Variants in PLEKHA6 observed in about 807,000 individuals in gnomAD.
PLEKHA6 encodes the protein pleckstrin homology domain-containing family A member 6.
PLEKHA6 carries 60 observed loss-of-function variants against 116.7 expected under a neutral mutation model. The ratio of observed to expected loss-of-function variants is 0.51; its 90% CI spans 0.42 to 0.64. PLEKHA6 has a LOEUF of 0.64. PLEKHA6 is among the 30% of genes least tolerant of loss of function. PLEKHA6 has a pLI of 0.00. For synonymous variants in PLEKHA6, 489 were observed against 556.1 expected, an observed-to-expected ratio of 0.88 and a Z score of 1.70; for missense variants, 1,338 against 1,422.7, an observed-to-expected ratio of 0.94 and a Z score of 0.96.
intron 3 of PLEKHA6, among the ~76,000 whole-genome samples, chr1:204,366,299 T>A (rs1268685481): frequency 6.6e-6 from 1 of 151,806 alleles, no homozygotes; most frequent in Non-Finnish European, 1.5e-5. Flanking sequence ...AGTCTATAAC[T>A]GTCATGTGAT....
intron 1 of PLEKHA6, among the ~76,000 whole-genome samples, chr1:204,312,409 GA>G (rs1671687971): frequency 1.3e-5 from 2 of 152,190 alleles, no homozygotes; most frequent in African/African-American, 4.8e-5. Flanking sequence ...AAGCATCCCA[GA>G]AACACTCAAC....
intron 1 of PLEKHA6, among the ~76,000 whole-genome samples, chr1:204,312,636 C>T (rs1174732998): frequency 4.6e-5 from 7 of 152,206 alleles, no homozygotes; most frequent in Non-Finnish European, 1.0e-4. Context: ...TTGGCTGGCT[C>T]ACCCAGGAGA....
In PLEKHA6 at chr1:204,374,766, T is replaced by G. The variant is rs1255626538; in HGVS notation, c.83+2817A>C. Among the ~76,000 whole-genome samples the G allele has an allele frequency of 2.0e-5, 3 of 152,138 alleles. No individual in the cohort carries two copies. In the East Asian group the frequency reaches 5.8e-4, roughly 29 times the overall value. On this transcript the variant is annotated intron_variant, in intron 1 of 4. Transcript: ENST00000564627. Reference sequence around the variant, plus strand: ...CTCAATGCCATGTCCCCTGGCAGCTTCATGTCTCGCACTCCTCATTCCTGA... The same window carrying G: ...CTCAATGCCATGTCCCCTGGCAGCTGCATGTCTCGCACTCCTCATTCCTGA...
At chr1:204,262,335 T>A (rs1666231805) in intron 6 of PLEKHA6, among the ~76,000 whole-genome samples, 1 of 152,172 alleles carries the variant, frequency 6.6e-6, no homozygotes, top group African/African-American at 2.4e-5. Context: ...AGACAAGTTG[T>A]GGTTTTGCTC....
chr1:204,359,152 C>T (rs1437490257), intron 1 of PLEKHA6, among the ~76,000 whole-genome samples: 1 of 152,140 alleles, frequency 6.6e-6, no homozygotes, highest in African/African-American at 2.4e-5. Context: ...ACCCCCAGAG[C>T]TCAGATGCGT....
At chr1:204,368,837 A>G (rs1353033665) in intron 2 of PLEKHA6, 1 of 152,238 alleles carries the variant, frequency 6.6e-6, no homozygotes, top group Non-Finnish European at 1.5e-5. Context: ...CTTGATGGAC[A>G]GTGACTGCCA....
chr1:204,345,799 C>T (rs528802640), intron 1 of PLEKHA6, among the ~76,000 whole-genome samples: 2 of 152,340 alleles, frequency 1.3e-5, no homozygotes, highest in South Asian at 4.1e-4. Flanking sequence ...AGCAAACCCT[C>T]CTTTCTCTGC....
In PLEKHA6 at chr1:204,359,859, G is replaced by A. The variant is rs771039362; in HGVS notation, c.-260C>T. 2.7e-5 allele frequency: 5 copies of A among 186,704 alleles called. No homozygotes were observed. Among genetic ancestry groups the A allele is most frequent in the East Asian group, 1.9e-4 (1 of 5,342 alleles). 11.6% of individuals were successfully genotyped at this position (186,704 alleles called of 1,614,324 possible). On this transcript the variant is annotated 5_prime_UTR_variant, in exon 1 of 23. Coordinates refer to ENST00000272203, the MANE Select transcript of PLEKHA6 (RefSeq NM_014935.5). ...ATCTGATCTAATCAGTCATCTCTCC[G>A]GCTGGCAGGTCCCTGGCGCAGGGAG...
chr1:204,227,235 C>T (rs920609447), intron 21 of PLEKHA6, among the ~76,000 whole-genome samples: 4 of 152,208 alleles, frequency 2.6e-5, no homozygotes, highest in Admixed American at 2.0e-4. Flanking sequence ...CCATGGCTCC[C>T]CCTTCTGAGT....
intron 1 of PLEKHA6, among the ~76,000 whole-genome samples, chr1:204,335,028 T>C (rs1160405048): frequency 2.0e-5 from 3 of 152,204 alleles, no homozygotes; most frequent in Non-Finnish European, 4.4e-5. Flanking sequence ...CTTGTCTAAC[T>C]GAAACTTTGT....
chr1:204,302,009 A>T (rs751443854), intron 1 of PLEKHA6, among the ~76,000 whole-genome samples: 10 of 152,224 alleles, frequency 6.6e-5, no homozygotes, highest in Non-Finnish European at 1.0e-4. Flanking sequence ...TCCAACAGGC[A>T]TACGACTGTT....
At chr1:204,349,540 CAAAAAAAAA>C (rs11403796) in intron 1 of PLEKHA6, among the ~76,000 whole-genome samples, 2 of 115,220 alleles carry the variant, frequency 1.7e-5, no homozygotes, top group Non-Finnish European at 3.6e-5. Context: ...GACTCCATCT[CAAAAAAAAA>C]AAAAAAAAAA....
intron 15 of PLEKHA6, chr1:204,243,351 A>ACTGGAGG: frequency 2.5e-6 from 1 of 399,380 alleles, no homozygotes; most frequent in Non-Finnish European, 4.4e-6. Context: ...GAGGCAGACA[A>ACTGGAGG]CAACATTGCT....
At chr1:204,286,200 A>G (rs1205479559) in intron 1 of PLEKHA6, among the ~76,000 whole-genome samples, 1 of 152,208 alleles carries the variant, frequency 6.6e-6, no homozygotes, top group Non-Finnish European at 1.5e-5. Context: ...GGGAGGGAAG[A>G]CAATCTCAGA....
intron 1 of PLEKHA6, among the ~76,000 whole-genome samples, chr1:204,315,032 C>CA (rs1190300063): frequency 6.6e-6 from 1 of 152,298 alleles, no homozygotes; most frequent in East Asian, 1.9e-4. Flanking sequence ...TTCACTCTGG[C>CA]AGAAATGGGA....
At position 204,261,377 on chromosome 1, in the gene PLEKHA6, C is replaced by T. The variant is rs150575253; in HGVS notation, c.453G>A (p.Gln151=). ...ESPEEQEAWI[Q]AMGEAARVQI... ...GTACTCGAGCAGCCTCCCCCATGGCCTGGATCCAGGCCTCTTGCTCCTCGG... is the reference window on the plus strand; with the variant it reads ...GTACTCGAGCAGCCTCCCCCATGGCTTGGATCCAGGCCTCTTGCTCCTCGG... The change falls in exon 7 of 23, where the codon CAG becomes CAA. Residue 151 remains glutamine (Q), a synonymous_variant. Coordinates refer to ENST00000272203, the MANE Select transcript of PLEKHA6 (RefSeq NM_014935.5). This position sits in a 1 kb window ranked among gnomAD's most constrained non-coding sequence, Gnocchi z 4.0. 204 of 1,614,178 alleles carry T rather than the reference C, an allele frequency of 1.3e-4. No homozygotes were observed. In the African/African-American group the frequency reaches 2.3e-3, roughly 19 times the overall value.
intron 9 of PLEKHA6, chr1:204,255,661 G>A (rs1665181258): frequency 1.4e-6 from 1 of 702,954 alleles, no homozygotes; most frequent in Non-Finnish European, 2.6e-6. Context: ...CTTTGCAACT[G>A]AAGATCTAAA....
intron 1 of PLEKHA6, among the ~76,000 whole-genome samples, chr1:204,298,736 T>C (rs1670532059): frequency 1.3e-5 from 2 of 152,238 alleles, no homozygotes; most frequent in South Asian, 2.1e-4. Context: ...GAAATAACCA[T>C]GTGCCTAAAC....
At chr1:204,355,917 C>T (rs949723875) in intron 1 of PLEKHA6, among the ~76,000 whole-genome samples, 7 of 151,154 alleles carry the variant, frequency 4.6e-5, no homozygotes, top group East Asian at 1.9e-4. Context: ...ACAGATGGAT[C>T]GAAGCAATAA....
Sources: gnomAD v4.1 joint callset for allele counts (sites outside exome capture counted in the v4.1 genomes callset) on GRCh38, gnomAD v4.1.1 for gene constraint, Gnocchi (gnomAD v3.1) non-coding constraint, MANE v1.5 for transcripts, NCBI Gene and HGNC (gene_info 2026-07-23, HGNC 2026-07-21) for gene names.